Variants in RPP40 observed in about 807,000 individuals in gnomAD.
RPP40 encodes ribonuclease P protein subunit p40.
RPP40 carries 30 observed loss-of-function variants against 42.5 expected under a neutral mutation model. The observed-to-expected ratio is 0.71, with a 90% confidence interval of 0.53 to 0.96. The LOEUF (loss-of-function observed/expected upper bound fraction) is 0.96, where lower values mean the gene tolerates loss of function less well. Among genes scored for constraint, RPP40 ranks in the 40% least tolerant of loss-of-function variants. RPP40 has a pLI of 0.00. For synonymous variants in RPP40, 173 were observed against 164.0 expected (o/e 1.05, Z -0.42); for missense variants, 426 against 433.5 (o/e 0.98, Z 0.15).
At chr6:4,992,265 AG>A (rs1248570984), downstream of RPP40, among the ~76,000 whole-genome samples, 1 of 151,822 alleles carries the variant, frequency 6.6e-6, no homozygotes, top group East Asian at 1.9e-4. Flanking sequence ...GCTACTCAAG[AG>A]GCTGAGGCAG....
intron 1 of RPP40, among the ~76,000 whole-genome samples, chr6:5,003,362 A>AG (rs1759637670): frequency 6.7e-6 from 1 of 149,572 alleles, no homozygotes; most frequent in African/African-American, 2.5e-5. Flanking sequence ...AAAAAAAAAA[A>AG]AAAAAGGAAA....
intron 1 of RPP40, among the ~76,000 whole-genome samples, chr6:5,002,877 A>G (rs919267578): frequency 1.3e-5 from 2 of 152,212 alleles, no homozygotes; most frequent in East Asian, 3.8e-4. Flanking sequence ...CCCAAGGCTC[A>G]AACACCAGCC....
chr6:4,990,542 G>C (rs562402478), downstream of RPP40, among the ~76,000 whole-genome samples: 3 of 151,992 alleles, frequency 2.0e-5, no homozygotes, highest in Admixed American at 2.0e-4. Context: ...GGAGTGCAGT[G>C]GTGTGATCAT....
At chr6:5,003,761 G>GC (rs901914776) in intron 1 of RPP40, 119 bp downstream of exon 1, 59 of 1,316,418 alleles carry the variant, frequency 4.5e-5, no homozygotes, top group Non-Finnish European at 5.7e-5. Context: ...CCGGGCGAGG[G>GC]CCCCGCCCCT....
chr6:5,000,000 A>G (rs939470500), intron 3 of RPP40, 96 bp from the exon 4 acceptor site: 3 of 709,672 alleles, frequency 4.2e-6, no homozygotes, highest in Non-Finnish European at 5.1e-6. Flanking sequence ...TTAGATATCA[A>G]TGTAACAAAC....
intron 5 of RPP40, among the ~76,000 whole-genome samples, 155 bp from the exon 6 acceptor site, chr6:4,996,575 G>A (rs1759391573): frequency 6.6e-6 from 1 of 152,166 alleles, no homozygotes; most frequent in Non-Finnish European, 1.5e-5. Context: ...ATTTAAAGCT[G>A]CTTTCAGCTC....
chr6:4,998,827 A>G lies in RPP40; in HGVS notation c.448T>C (p.Leu150=). ...TCCAAGTTTAAGGATAATTCCATCA[A>G]ATCAATGGAAACAACTTTAAAAATG... The part of the protein sequence containing the change: ...KIMKFIVSID[L]MELSLNLDSK... The change falls in exon 5 of 8, where the codon TTG becomes CTG. Residue 150 remains leucine (L), a synonymous_variant. Coordinates refer to ENST00000380051, the MANE Select transcript of RPP40 (RefSeq NM_006638.4). 2 of 1,430,674 alleles carry G rather than the reference A, an allele frequency of 1.4e-6. No individual in the cohort carries two copies. The highest frequency in any genetic ancestry group is 1.9e-6 in the Non-Finnish European group (2 of 1,046,538). 88.6% of individuals were successfully genotyped at this position (1,430,674 alleles called of 1,614,324 possible).
In RPP40 at chr6:4,996,928, C is replaced by T. The variant is rs149764732; in HGVS notation, c.560-508G>A. ...GAAGACAGAGATAGTACTCCCTCCA[C>T]GGCAAAGGGCAGGCTTGCTTACTGT... On this transcript the variant is annotated intron_variant, in intron 5 of 7. Coordinates refer to ENST00000380051, the MANE Select transcript of RPP40 (RefSeq NM_006638.4). Among the ~76,000 whole-genome samples the T allele has an allele frequency of 3.9e-5, 6 of 152,322 alleles. No homozygotes were observed. The East Asian group carries it at 5.8e-4, about 15-fold the overall frequency.
At chr6:5,003,729 A>G in intron 1 of RPP40, 151 bp downstream of exon 1, 1 of 986,534 alleles carries the variant, frequency 1.0e-6, no homozygotes, top group Non-Finnish European at 1.4e-6. Context: ...AGAGCAGTTA[A>G]GAGACTACAA....
At chr6:5,002,760 G>A (rs561159043) in intron 1 of RPP40, among the ~76,000 whole-genome samples, 3 of 152,276 alleles carry the variant, frequency 2.0e-5, no homozygotes, top group Admixed American at 2.0e-4. Flanking sequence ...TGCAACAGGC[G>A]AGTTAAAGTA....
Position 4,996,244 on chromosome 6 carries a change from C to T in RPP40, c.736G>A (p.Ala246Thr), listed in dbSNP as rs781272067. The change falls in exon 6 of 8, where the codon GCC (alanine) becomes ACC (threonine). Residue 246 changes from alanine (A) to threonine (T), a missense_variant. By Grantham distance (58) the Ala-to-Thr change is moderately conservative. Transcript: ENST00000380051. Reference protein sequence around the residue: ...RALELFDWLGAVFSNVDLNNE... With the variant: ...RALELFDWLGTVFSNVDLNNE... ...CACAGGTCGACATTACTGAAGACGG[C>T]GCCGAGCCAGTCGAAGAGCTCCAGA... 13 of 1,613,750 alleles carry T rather than the reference C, an allele frequency of 8.1e-6. No individual in the cohort carries two copies. The highest frequency in any genetic ancestry group is 5.0e-5 in the Admixed American group (3 of 60,004).
At chr6:4,991,100 C>T (rs1209995320), downstream of RPP40, among the ~76,000 whole-genome samples, 6 of 152,074 alleles carry the variant, frequency 3.9e-5, no homozygotes, top group Non-Finnish European at 7.4e-5. Context: ...CCCCAAACTC[C>T]CCAAATTTTG....
chr6:4,990,470 C>T (rs1759245666), downstream of RPP40, among the ~76,000 whole-genome samples: 1 of 151,942 alleles, frequency 6.6e-6, no homozygotes, highest in Non-Finnish European at 1.5e-5. Flanking sequence ...GAAAATATTT[C>T]TTCCTCTCTC....
At position 4,999,804 on chromosome 6, in the gene RPP40, C is replaced by G; in HGVS notation, c.433+5G>C. On this transcript the variant is annotated splice_donor_5th_base_variant and intron_variant, in intron 4 of 7. Transcript: ENST00000380051. Reference sequence around the variant, plus strand: ...AGAAACAGATGGAACACACATGATACTTACTAAATTTCATAATTTTTCTGC... The same window carrying G: ...AGAAACAGATGGAACACACATGATAGTTACTAAATTTCATAATTTTTCTGC... 1 of 1,493,196 alleles carries G rather than the reference C, an allele frequency of 6.7e-7. No individual in the cohort carries two copies. The highest frequency in any genetic ancestry group is 9.3e-7 in the Non-Finnish European group (1 of 1,071,052). The allele number at this position is 1,493,196 out of a possible 1,614,324, so 92.5% of individuals were successfully genotyped here.
At chr6:4,995,809 C>T (rs1759358177) in intron 7 of RPP40, 142 bp downstream of exon 7, 4 of 670,336 alleles carry the variant, frequency 6.0e-6, no homozygotes, top group Non-Finnish European at 1.0e-5. Flanking sequence ...ACTCAATGTA[C>T]GGTCTTTGCA....
At chr6:4,996,994 C>A (rs1173799562) in intron 5 of RPP40, among the ~76,000 whole-genome samples, 1 of 152,194 alleles carries the variant, frequency 6.6e-6, no homozygotes, top group African/African-American at 2.4e-5. Context: ...TCTCTCCGGG[C>A]AGATATCAGC....
Position 4,994,856 on chromosome 6 carries a change from G to C in RPP40, c.*222C>G. The C allele has an allele frequency of 1.8e-6, 1 of 559,178 alleles. No homozygotes were observed. The highest frequency in any genetic ancestry group is 2.4e-5 in the South Asian group (1 of 41,724). The allele number at this position is 559,178 out of a possible 1,614,324, so 34.6% of individuals were successfully genotyped here. A position where few individuals can be genotyped will look rare whatever the true frequency, so the allele number is the denominator to read the frequency against. On this transcript the variant is annotated 3_prime_UTR_variant, in exon 8 of 8. Coordinates refer to ENST00000380051, the MANE Select transcript of RPP40 (RefSeq NM_006638.4). Reference sequence around the variant, plus strand: ...GTACCACATAGTAACCCACAACCCTGTGCTTATGTTGACAGAGAGAAATCA... The same window carrying C: ...GTACCACATAGTAACCCACAACCCTCTGCTTATGTTGACAGAGAGAAATCA...
chr6:5,000,432 C>T, intron 3 of RPP40, 131 bp downstream of exon 3: 1 of 615,190 alleles, frequency 1.6e-6, no homozygotes, highest in East Asian at 3.1e-5. Context: ...AGGTGATACA[C>T]CTGCTTTGGC....
rs34853350 is a variant in RPP40, at chr6:5,000,922, C to A, written c.269-291G>T. 0.014 allele frequency among the ~76,000 whole-genome samples: 2,060 copies of A among 144,558 alleles called. 56 individuals carry two copies. The highest frequency in any genetic ancestry group is 0.048 in the African/African-American group (1,768 of 36,728). 94.8% of individuals were successfully genotyped at this position (144,558 alleles called of 152,430 possible). On this transcript the variant is annotated intron_variant, in intron 2 of 7. Transcript: ENST00000380051. ...TGCAGAAGACCAAGCATGCAGAAGA[C>A]CAAGCATGCAGAAGAACAAGCATGC... is the stretch of plus-strand genomic sequence containing the variant.
Sources: allele counts gnomAD v4.1 joint callset (sites outside exome capture counted in the v4.1 genomes callset), GRCh38; gene constraint gnomAD v4.1.1; transcripts MANE v1.5; gene names NCBI Gene and HGNC (gene_info 2026-07-23, HGNC 2026-07-21).